The following DAGLA variants were observed in gnomAD, a reference collection of about 807,000 sequenced individuals.
DAGLA encodes the protein diacylglycerol lipase alpha.
A neutral mutation model predicts 102.6 loss-of-function variants in DAGLA; 22 were observed. The ratio of observed to expected loss-of-function variants is 0.21; its 90% confidence interval spans 0.15 to 0.31. The LOEUF is 0.31. Among genes scored for constraint, DAGLA ranks in the 10% least tolerant of loss-of-function variants. DAGLA has a pLI of 1.00. For missense variants in DAGLA, 927 were observed against 1,446.6 expected, an observed-to-expected ratio of 0.64 and a Z score of 5.83; for synonymous variants, 578 against 628.9, an observed-to-expected ratio of 0.92 and a Z score of 1.21.
chr11:61,685,268 C>T (rs1257331306), intron 1 of DAGLA, among the ~76,000 whole-genome samples: 2 of 152,222 alleles, frequency 1.3e-5, no homozygotes, highest in African/African-American at 2.4e-5. Context: ...ATGCCTGGTG[C>T]GTAGAGAGAT....
Position 61,711,926 on chromosome 11 carries a change from A to G in DAGLA, c.-44-8186A>G, listed in dbSNP as rs150148390. Among the ~76,000 whole-genome samples the G allele has an allele frequency of 7.2e-5, 11 of 152,372 alleles. No individual in the cohort carries two copies. The East Asian group carries it at 2.1e-3, about 29-fold the overall frequency. ...TAATACAGGGCATAAGAGGTTGTTA[A>G]AAGGATTACATTAAAGGAGGTAATT... On this transcript the variant is annotated intron_variant, in intron 1 of 19. Coordinates refer to ENST00000257215, the MANE Select transcript of DAGLA (RefSeq NM_006133.3).
intron 19 of DAGLA, 112 bp downstream of exon 19, chr11:61,741,461 A>G: frequency 8.2e-7 from 1 of 1,220,824 alleles, no homozygotes; most frequent in Non-Finnish European, 1.1e-6. Context: ...GCACACGTGC[A>G]CAGGAGGGGT....
At chr11:61,688,314 CAAAAAAAAAA>C (rs1186217122) in intron 1 of DAGLA, among the ~76,000 whole-genome samples, 9 of 73,378 alleles carry the variant, frequency 1.2e-4, no homozygotes, top group Non-Finnish European at 2.6e-4. Context: ...AACTCTGTCT[CAAAAAAAAAA>C]AAAAAAAAAG....
chr11:61,726,795 C>A (rs2065330699), intron 6 of DAGLA, among the ~76,000 whole-genome samples: 1 of 152,238 alleles, frequency 6.6e-6, no homozygotes. Flanking sequence ...AAAGTGCCTT[C>A]CACGGAAGCC....
intron 6 of DAGLA, among the ~76,000 whole-genome samples, chr11:61,726,985 G>A (rs977148836): frequency 6.6e-6 from 1 of 152,230 alleles, no homozygotes; most frequent in Non-Finnish European, 1.5e-5. Context: ...GCAGAGAGCC[G>A]GCCCCTGGCG....
intron 7 of DAGLA, among the ~76,000 whole-genome samples, chr11:61,728,607 C>T (rs182572575): frequency 5.3e-5 from 8 of 152,314 alleles, no homozygotes; most frequent in Middle Eastern, 6.8e-3. Flanking sequence ...TCTGCGTGGC[C>T]GCTCCGCCCA....
chr11:61,725,967 C>A, intron 5 of DAGLA, 28 bp from the exon 6 acceptor site: 2 of 1,605,938 alleles, frequency 1.2e-6, no homozygotes, highest in Non-Finnish European at 1.7e-6. Flanking sequence ...CCTCTGACCT[C>A]ACACATACCG....
chr11:61,737,287 A>G lies in DAGLA; in HGVS notation c.1477A>G (p.Lys493Glu). ...FLLRPQYPTL[K>E]CFAYSPPGGL... ...TCTGCGCCCACAGTATCCGACCCTC[A>G]AGTGCTTTGCCTACTCCCCGCCAGG... The change falls in exon 14 of 20, where the codon AAG (lysine) becomes GAG (glutamate). Residue 493 changes from lysine to glutamate, a missense_variant. Lys to Glu is a moderately conservative substitution (Grantham distance 56). This residue lies in a region of DAGLA where 218 missense variants were observed against 459.6 expected (regional missense o/e 0.47). Coordinates refer to ENST00000257215, the MANE Select transcript of DAGLA (RefSeq NM_006133.3). The G allele has an allele frequency of 6.2e-7, 1 of 1,612,588 alleles. No individual in the cohort carries two copies. Among genetic ancestry groups the G allele is most frequent in the Admixed American group, 1.7e-5 (1 of 60,034 alleles).
intron 19 of DAGLA, among the ~76,000 whole-genome samples, chr11:61,741,607 C>A (rs889605591): frequency 6.1e-5 from 8 of 132,018 alleles, no homozygotes; most frequent in African/African-American, 2.3e-4. Flanking sequence ...CAGATTCACT[C>A]TTTTTTTTTT....
At chr11:61,707,995 T>TATG (rs2065163924) in intron 1 of DAGLA, among the ~76,000 whole-genome samples, 1 of 151,350 alleles carries the variant, frequency 6.6e-6, no homozygotes, top group Non-Finnish European at 1.5e-5. Flanking sequence ...ATTTATGTAT[T>TATG]TATTTATTTA....
At chr11:61,699,421 T>C (rs1174349562) in intron 1 of DAGLA, among the ~76,000 whole-genome samples, 1 of 152,118 alleles carries the variant, frequency 6.6e-6, no homozygotes, top group Non-Finnish European at 1.5e-5. Context: ...CAGGTGGCAC[T>C]AAGCTGAGCA....
In DAGLA at chr11:61,725,976, C is replaced by T. The variant is rs767754055; in HGVS notation, c.549-19C>T. ...TCCAGCCCTCTGACCTCACACATAC[C>T]GCCTCTCCTGCTTTGCAGGCACCGC... On this transcript the variant is annotated intron_variant, in intron 5 of 19. Transcript: ENST00000257215. 26 of 1,611,102 alleles carry T rather than the reference C, an allele frequency of 1.6e-5. No individual in the cohort carries two copies. The highest frequency in any genetic ancestry group is 2.7e-5 in the African/African-American group (2 of 74,890).
chr11:61,693,729 G>A (rs1591025519), intron 1 of DAGLA, among the ~76,000 whole-genome samples: 1 of 152,344 alleles, frequency 6.6e-6, no homozygotes, highest in Admixed American at 6.5e-5. Context: ...TGCCTGAGGT[G>A]AGGCTCCTGC....
chr11:61,734,744 G>A lies in DAGLA; in HGVS notation c.975-105G>A. ...TAGCAAGGGCAATTTGGTAGAGGCAGTGGGGCTGAATGCCCAACTGGAACT... is the reference window on the plus strand; with the variant it reads ...TAGCAAGGGCAATTTGGTAGAGGCAATGGGGCTGAATGCCCAACTGGAACT... On this transcript the variant is annotated intron_variant, in intron 9 of 19. Transcript: ENST00000257215. This position sits in a 1 kb window ranked among gnomAD's most constrained non-coding sequence, Gnocchi z 4.2. 8.7e-7 allele frequency: 1 copy of A among 1,155,916 alleles called. No homozygotes were observed. Among genetic ancestry groups the A allele is most frequent in the Non-Finnish European group, 1.3e-6 (1 of 798,656 alleles). 71.6% of individuals were successfully genotyped at this position (1,155,916 alleles called of 1,614,324 possible).
chr11:61,689,003 G>A (rs1027770511), intron 1 of DAGLA, among the ~76,000 whole-genome samples: 1 of 152,278 alleles, frequency 6.6e-6, no homozygotes, highest in Admixed American at 6.5e-5. Context: ...CTTGTGGGTG[G>A]GGGCAAGGCA....
At chr11:61,692,915 C>T (rs1430181118) in intron 1 of DAGLA, among the ~76,000 whole-genome samples, 5 of 150,856 alleles carry the variant, frequency 3.3e-5, no homozygotes, top group African/African-American at 1.2e-4. Flanking sequence ...AATGGTCCCA[C>T]AATTAGATGG....
chr11:61,737,787 G>C, intron 15 of DAGLA, 32 bp downstream of exon 15: 1 of 1,600,798 alleles, frequency 6.2e-7, no homozygotes, highest in South Asian at 1.1e-5. Flanking sequence ...ATGGTCCCTT[G>C]CCAGGCTGTT....
intron 13 of DAGLA, 53 bp from the exon 14 acceptor site, chr11:61,737,127 GAC>G (rs1293974460): frequency 6.2e-7 from 1 of 1,610,130 alleles, no homozygotes; most frequent in African/African-American, 1.3e-5. Context: ...GGTTGGCTAA[GAC>G]AGTCGCTTGG....
intron 1 of DAGLA, among the ~76,000 whole-genome samples, chr11:61,702,689 C>G (rs1238296328): frequency 6.6e-6 from 1 of 152,244 alleles, no homozygotes; most frequent in Admixed American, 6.5e-5. Context: ...ATCCTGAGAA[C>G]GTAGCTTTCT....
Sources: gnomAD v4.1 joint callset for allele counts (sites outside exome capture counted in the v4.1 genomes callset) on GRCh38, gnomAD v4.1.1 for gene constraint, gnomAD v4.1.1 regional missense constraint, Gnocchi (gnomAD v3.1) non-coding constraint, MANE v1.5 for transcripts, NCBI Gene and HGNC (gene_info 2026-07-23, HGNC 2026-07-21) for gene names.